LAMA1: variants seen among roughly 807,000 people sequenced by gnomAD.
The protein encoded by LAMA1 is laminin subunit alpha 1, also known as laminin subunit alpha-1.
LAMA1 carries 219 observed loss-of-function variants against 348.7 expected under a neutral mutation model. The ratio of observed to expected loss-of-function variants is 0.63; its 90% CI spans 0.56 to 0.70. LAMA1 has a LOEUF of 0.70. LAMA1 is among the 30% of genes least tolerant of loss of function. The pLI is 0.00. For synonymous variants in LAMA1, 1,487 were observed against 1,491.0 expected, an observed-to-expected ratio of 1.00 and a Z score of 0.06; for missense variants, 3,744 against 3,888.0, an observed-to-expected ratio of 0.96 and a Z score of 0.99.
chr18:7,009,391 T>C (rs370320931), intron 26 of LAMA1, 25 bp from the exon 27 acceptor site: 403 of 1,613,342 alleles, frequency 2.5e-4, no homozygotes, highest in Non-Finnish European at 3.3e-4. Context: ...ACACATTCAA[T>C]TAAGCTCAGA....
intron 3 of LAMA1, among the ~76,000 whole-genome samples, chr18:7,053,860 G>A (rs565001991): frequency 5.3e-5 from 8 of 150,160 alleles, no homozygotes; most frequent in Admixed American, 2.0e-4. Flanking sequence ...ATCAGCTCAC[G>A]GCAGTCCCAA....
chr18:7,087,240 C>T (rs2058221432), intron 1 of LAMA1, among the ~76,000 whole-genome samples: 1 of 152,184 alleles, frequency 6.6e-6, no homozygotes. Context: ...TTCATCAAGT[C>T]TTTAAATCTA....
At position 6,965,341 on chromosome 18, in the gene LAMA1, CGTCT is replaced by C; in HGVS notation, c.7138_7141del (p.Arg2380ValfsTer21). 6.2e-7 allele frequency: 1 copy of C among 1,614,188 alleles called. No homozygotes were observed. On this transcript the variant is annotated frameshift_variant, in exon 50 of 63. Transcript: ENST00000389658. LOFTEE classifies it high-confidence loss of function. ...TTTGTACCAGGTTCCATTGTTATAA[CGTCT>C]GTCTGTCAAAAGGGTAATGGGTCCT...
At chr18:7,089,883 G>C (rs531251156) in intron 1 of LAMA1, among the ~76,000 whole-genome samples, 1 of 152,174 alleles carries the variant, frequency 6.6e-6, no homozygotes, top group African/African-American at 2.4e-5. Context: ...TACAAGTTGT[G>C]GCGAAATTCA....
intron 29 of LAMA1, among the ~76,000 whole-genome samples, chr18:7,003,356 T>C (rs948259942): frequency 6.6e-6 from 1 of 151,946 alleles, no homozygotes; most frequent in African/African-American, 2.4e-5. Context: ...GTTCACGCCA[T>C]TCTCCTGCCT....
chr18:7,071,971 T>C (rs1159287982), intron 3 of LAMA1, among the ~76,000 whole-genome samples: 1 of 152,238 alleles, frequency 6.6e-6, no homozygotes, highest in Non-Finnish European at 1.5e-5. Flanking sequence ...GTAGCATTAT[T>C]AAATGCATAG....
chr18:7,075,814 G>A (rs905349975), intron 3 of LAMA1, among the ~76,000 whole-genome samples: 3 of 151,412 alleles, frequency 2.0e-5, no homozygotes, highest in Admixed American at 6.6e-5. Flanking sequence ...GTGTGTGCCT[G>A]TAGTCCCAGC....
In LAMA1 at chr18:6,956,968, C is replaced by G; in HGVS notation, c.7965-203G>C. 5.1e-6 allele frequency: 3 copies of G among 593,916 alleles called. No homozygotes were observed. In the South Asian group the frequency reaches 5.5e-5, roughly 11 times the overall value. 36.8% of individuals were successfully genotyped at this position (593,916 alleles called of 1,614,324 possible). A position where few individuals can be genotyped will look rare whatever the true frequency, so the allele number is the denominator to read the frequency against. ...ATTTCTTGTCTGAAGCTTCTGCTTG[C>G]AATGGCACCCAGCCTAGCATATCCC... On this transcript the variant is annotated intron_variant, in intron 55 of 62. Coordinates refer to ENST00000389658, the MANE Select transcript of LAMA1 (RefSeq NM_005559.4).
chr18:6,970,098 A>C (rs779739214), intron 48 of LAMA1, among the ~76,000 whole-genome samples: 2 of 152,118 alleles, frequency 1.3e-5, no homozygotes, highest in Non-Finnish European at 2.9e-5. Context: ...AGAATTACTA[A>C]ATTGCTGGAA....
Position 6,973,351 on chromosome 18 carries a change from T to C in LAMA1, c.6624-144A>G, listed in dbSNP as rs1329602593. On this transcript the variant is annotated intron_variant, in intron 46 of 62. Transcript: ENST00000389658. ...CCTGCTGGCCTCCTGGCTTCCAGTC[T>C]TGCCTACTGCCCGAAATCTTCAAGA... The C allele has an allele frequency of 4.2e-6, 3 of 722,612 alleles. No individual in the cohort carries two copies. In the East Asian group the frequency reaches 8.1e-5, roughly 20 times the overall value. The allele number at this position is 722,612 out of a possible 1,614,324, so 44.8% of individuals were successfully genotyped here.
At chr18:7,019,725 A>G (rs1229935273) in intron 19 of LAMA1, among the ~76,000 whole-genome samples, 1 of 125,472 alleles carries the variant, frequency 8.0e-6, no homozygotes, top group Non-Finnish European at 1.6e-5. Context: ...TCCGTCACCC[A>G]GGCTGGAGTG....
chr18:7,009,492 G>C lies in LAMA1; in HGVS notation c.3874-126C>G, dbSNP rs916936099. The C allele has an allele frequency of 3.8e-6, 4 of 1,040,550 alleles. No homozygotes were observed. In the South Asian group the frequency reaches 5.6e-5, roughly 15 times the overall value. 64.5% of individuals were successfully genotyped at this position (1,040,550 alleles called of 1,614,324 possible). A position where few individuals can be genotyped will look rare whatever the true frequency, so the allele number is the denominator to read the frequency against. Reference sequence around the variant, plus strand: ...AGCCATGTTCTGTGCATGCCACTGAGTGTAACTGACAAAGACCTCCTGAAA... The same window carrying C: ...AGCCATGTTCTGTGCATGCCACTGACTGTAACTGACAAAGACCTCCTGAAA... On this transcript the variant is annotated intron_variant, in intron 26 of 62. Transcript: ENST00000389658.
At chr18:7,090,070 A>G (rs1260089883) in intron 1 of LAMA1, among the ~76,000 whole-genome samples, 1 of 152,222 alleles carries the variant, frequency 6.6e-6, no homozygotes, top group African/African-American at 2.4e-5. Flanking sequence ...CCCTACAATA[A>G]GTGCTTCCTT....
chr18:7,099,495 A>AC (rs958902819), intron 1 of LAMA1, among the ~76,000 whole-genome samples: 4 of 151,736 alleles, frequency 2.6e-5, no homozygotes, highest in Middle Eastern at 3.2e-3. Flanking sequence ...AAAAAACAAA[A>AC]AAAAAAATGA....
intron 20 of LAMA1, 105 bp downstream of exon 20, chr18:7,017,173 G>C (rs952358118): frequency 1.2e-6 from 1 of 860,952 alleles, no homozygotes; most frequent in African/African-American, 1.7e-5. Context: ...CTCTATAGCA[G>C]TGTGAGAACA....
rs115184266 is a variant in LAMA1 at position 6,992,295 on chromosome 18, C to T, written c.5168+266G>A. ...CTATGCTGTTTGTGCTAAGTGGAAA[C>T]ATCCCGGAATCACAGAAAAGGACAG... On this transcript the variant is annotated intron_variant, in intron 36 of 62. Coordinates refer to ENST00000389658, the MANE Select transcript of LAMA1 (RefSeq NM_005559.4). Among the ~76,000 whole-genome samples, 429 of 152,312 alleles carry T rather than the reference C, an allele frequency of 2.8e-3. 2 individuals carry two copies. The highest frequency in any genetic ancestry group is 9.2e-3 in the African/African-American group (382 of 41,564).
intron 61 of LAMA1, among the ~76,000 whole-genome samples, chr18:6,946,827 T>A (rs2186905): frequency 0.42 from 63,664 of 151,978 alleles, 14,126 homozygotes; most frequent in Non-Finnish European, 0.49. Context: ...GAATCTGTAA[T>A]AATTTCCAAA....
In LAMA1 at chr18:7,006,490, T is replaced by G. The variant is rs796624068; in HGVS notation, c.4260+649A>C. On this transcript the variant is annotated intron_variant, in intron 29 of 62. Coordinates refer to ENST00000389658, the MANE Select transcript of LAMA1 (RefSeq NM_005559.4). ...GCCCCCAAACTTCATCGTATACAGT[T>G]CTCATCTATTTTGACTACGGCAACC... Among the ~76,000 whole-genome samples the G allele has an allele frequency of 9.2e-5, 14 of 152,278 alleles. 1 individual carries two copies. Among genetic ancestry groups the G allele is most frequent in the African/African-American group, 3.4e-4 (14 of 41,548 alleles).
chr18:7,002,627 C>T (rs897358496), intron 29 of LAMA1, among the ~76,000 whole-genome samples: 2 of 152,102 alleles, frequency 1.3e-5, no homozygotes, highest in African/African-American at 4.8e-5. Context: ...GTACATTCTT[C>T]TTAAGGAAAA....
Sources: gnomAD v4.1 joint callset for allele counts (sites outside exome capture counted in the v4.1 genomes callset) on GRCh38, gnomAD v4.1.1 for gene constraint, MANE v1.5 for transcripts, NCBI Gene and HGNC (gene_info 2026-07-23, HGNC 2026-07-21) for gene names.